Variants in GALNTL6 observed in about 807,000 individuals in gnomAD.
The protein encoded by GALNTL6 is polypeptide N-acetylgalactosaminyltransferase-like 6.
In GALNTL6, 46 loss-of-function variants were observed where a neutral mutation model predicts 73.7. The observed-to-expected ratio is 0.62, with a 90% CI of 0.49 to 0.80. GALNTL6 has a LOEUF of 0.80. GALNTL6 is among the 30% of genes least tolerant of loss of function. The pLI, the probability that GALNTL6 is intolerant of heterozygous loss-of-function variation, is 0.00. For missense variants in GALNTL6, 604 were observed against 755.0 expected (o/e 0.80, Z 2.34); for synonymous variants, 259 against 263.7 (o/e 0.98, Z 0.17).
chr4:171,847,787 AC>A (rs1735414192), intron 2 of GALNTL6, among the ~76,000 whole-genome samples: 2 of 152,104 alleles, frequency 1.3e-5, no homozygotes, highest in African/African-American at 4.8e-5. Flanking sequence ...TTCAAGCTCC[AC>A]TTCTAATTCT....
chr4:172,734,848 G>A (rs556444479), intron 5 of GALNTL6, among the ~76,000 whole-genome samples: 20 of 152,314 alleles, frequency 1.3e-4, no homozygotes, highest in Non-Finnish European at 2.8e-4. Flanking sequence ...ACGGGCCAAG[G>A]TACAGCTCAG....
chr4:172,800,505 G>T (rs956199145), intron 5 of GALNTL6, among the ~76,000 whole-genome samples: 3 of 152,066 alleles, frequency 2.0e-5, no homozygotes, highest in Non-Finnish European at 4.4e-5. Context: ...TATTTTTAGG[G>T]TCAAATAGTA....
intron 5 of GALNTL6, among the ~76,000 whole-genome samples, chr4:172,634,405 AT>A (rs1394292757): frequency 1.3e-5 from 2 of 152,020 alleles, no homozygotes; most frequent in African/African-American, 4.8e-5. Flanking sequence ...CACCTAGAAC[AT>A]GTGGTTGCAC....
chr4:172,176,721 G>A (rs550023771), intron 2 of GALNTL6, among the ~76,000 whole-genome samples: 7 of 152,010 alleles, frequency 4.6e-5, no homozygotes, highest in Non-Finnish European at 8.8e-5. Context: ...CTCAGGAGTT[G>A]GAGGTTACAG....
intron 10 of GALNTL6, among the ~76,000 whole-genome samples, chr4:172,996,547 A>G (rs1338243941): frequency 2.0e-5 from 3 of 152,232 alleles, no homozygotes; most frequent in African/African-American, 7.2e-5. Context: ...AAATAAAGTT[A>G]AAACTTTTTT....
At chr4:172,052,540 T>C in intron 2 of GALNTL6, 1 of 1,530,642 alleles carries the variant, frequency 6.5e-7, no homozygotes, top group Middle Eastern at 1.7e-4. Flanking sequence ...AGGTAACCGG[T>C]AAAAAGCAAA....
chr4:172,057,314 T>C (rs540567864), intron 2 of GALNTL6, among the ~76,000 whole-genome samples: 1 of 151,882 alleles, frequency 6.6e-6, no homozygotes, highest in East Asian at 1.9e-4. Flanking sequence ...CTCGAGAGGC[T>C]GAGGTGGAAG....
chr4:172,569,664 T>G (rs1736688979), intron 5 of GALNTL6, among the ~76,000 whole-genome samples: 1 of 151,670 alleles, frequency 6.6e-6, no homozygotes, highest in Admixed American at 6.6e-5. Flanking sequence ...TAAGGGAACA[T>G]CAAAGGAAAA....
chr4:172,166,744 C>A (rs1429513476), intron 2 of GALNTL6, among the ~76,000 whole-genome samples: 1 of 152,122 alleles, frequency 6.6e-6, no homozygotes, highest in Non-Finnish European at 1.5e-5. Context: ...TCTTTGCCTC[C>A]AAGATGGTGC....
At chr4:172,168,933 T>C (rs1734724137) in intron 2 of GALNTL6, among the ~76,000 whole-genome samples, 1 of 152,216 alleles carries the variant, frequency 6.6e-6, no homozygotes, top group South Asian at 2.1e-4. Context: ...CATCATGAAC[T>C]GATGAAATCT....
intron 5 of GALNTL6, among the ~76,000 whole-genome samples, chr4:172,575,113 AT>A (rs1374512171): frequency 1.3e-5 from 2 of 152,176 alleles, no homozygotes; most frequent in Non-Finnish European, 2.9e-5. Flanking sequence ...TTATCAGGGG[AT>A]TCCTAGCCTT....
intron 2 of GALNTL6, among the ~76,000 whole-genome samples, chr4:172,225,512 A>G (rs1724705951): frequency 6.6e-6 from 1 of 151,916 alleles, no homozygotes; most frequent in African/African-American, 2.4e-5. Flanking sequence ...CACCTGGTGA[A>G]TTTGTTAATA....
intron 5 of GALNTL6, among the ~76,000 whole-genome samples, chr4:172,748,668 A>G (rs1381166581): frequency 3.3e-5 from 5 of 152,068 alleles, no homozygotes; most frequent in Non-Finnish European, 5.9e-5. Flanking sequence ...GCTTAGGAGG[A>G]TGAGGTCTGG....
chr4:172,661,962 G>A (rs1425573698), intron 5 of GALNTL6, among the ~76,000 whole-genome samples: 1 of 152,168 alleles, frequency 6.6e-6, no homozygotes, highest in Admixed American at 6.5e-5. Flanking sequence ...CTAATAAGAA[G>A]GATGCCTGTA....
At chr4:172,634,202 TATGC>T (rs1043181189) in intron 5 of GALNTL6, among the ~76,000 whole-genome samples, 2 of 152,212 alleles carry the variant, frequency 1.3e-5, no homozygotes, top group African/African-American at 4.8e-5. Flanking sequence ...TTATTCATGT[TATGC>T]TTCTCATCTG....
chr4:172,920,989 G>A (rs1167209862), intron 8 of GALNTL6, among the ~76,000 whole-genome samples: 1 of 152,170 alleles, frequency 6.6e-6, no homozygotes. Context: ...GTATAGGATG[G>A]ATCAAAAGGA....
intron 3 of GALNTL6, among the ~76,000 whole-genome samples, chr4:172,251,504 G>A (rs552709532): frequency 3.9e-5 from 6 of 152,110 alleles, no homozygotes; most frequent in Non-Finnish European, 8.8e-5. Context: ...GCCAGGGAAA[G>A]CCTGCATATC....
chr4:171,943,600 G>A (rs537491265), intron 2 of GALNTL6, among the ~76,000 whole-genome samples: 2 of 152,024 alleles, frequency 1.3e-5, no homozygotes, highest in Non-Finnish European at 2.9e-5. Context: ...TTTTCTCAAG[G>A]CAATGTTATT....
intron 5 of GALNTL6, among the ~76,000 whole-genome samples, chr4:172,375,969 G>A (rs1218037674): frequency 6.6e-6 from 1 of 152,128 alleles, no homozygotes; most frequent in Admixed American, 6.5e-5. Flanking sequence ...GATGCCCTTT[G>A]TCCTCACTTA....
Sources: gnomAD v4.1 joint callset for allele counts (sites outside exome capture counted in the v4.1 genomes callset) on GRCh38, gnomAD v4.1.1 for gene constraint, MANE v1.5 for transcripts, NCBI Gene and HGNC (gene_info 2026-07-23, HGNC 2026-07-21) for gene names.